The following ASAP1 variants were observed in gnomAD, a reference collection of about 807,000 sequenced individuals.
The protein encoded by ASAP1 is arf-GAP with SH3 domain, ANK repeat and PH domain-containing protein 1.
Under a neutral mutation model 145.2 loss-of-function variants are expected in ASAP1, and 43 were observed. The ratio of observed to expected loss-of-function variants is 0.30; its 90% CI spans 0.23 to 0.38. The LOEUF (loss-of-function observed/expected upper bound fraction) is 0.38, where lower values mean the gene tolerates loss of function less well. Among genes scored for constraint, ASAP1 ranks in the 10% least tolerant of loss-of-function variants. The pLI is 1.00. For missense variants in ASAP1, 1,018 were observed against 1,355.3 expected (o/e 0.75, Z 3.91); for synonymous variants, 546 against 515.5 (o/e 1.06, Z -0.80).
chr8:130,354,308 C>G (rs1321815920), intron 3 of ASAP1, among the ~76,000 whole-genome samples: 3 of 152,196 alleles, frequency 2.0e-5, no homozygotes, highest in Non-Finnish European at 4.4e-5. Context: ...AAATGTTCCT[C>G]TTTCAGAGAG....
rs764066803 is a variant in ASAP1 at position 130,294,026 on chromosome 8, A to T, written c.187-57032T>A. Among the ~76,000 whole-genome samples the T allele has an allele frequency of 3.9e-5, 6 of 152,204 alleles. No homozygotes were observed. In the South Asian group the frequency reaches 1.2e-3, roughly 32 times the overall value. On this transcript the variant is annotated intron_variant, in intron 3 of 29. Transcript: ENST00000518721. Reference sequence around the variant, plus strand: ...TATCACACTTCTCAATTCTCACAATAATCTTACGTAATAGGTATTATACCC... The same window carrying T: ...TATCACACTTCTCAATTCTCACAATTATCTTACGTAATAGGTATTATACCC...
chr8:130,172,850 G>A (rs557504390), intron 9 of ASAP1, among the ~76,000 whole-genome samples: 10 of 152,326 alleles, frequency 6.6e-5, no homozygotes, highest in South Asian at 6.2e-4. Context: ...CAAGGCTGAA[G>A]ACTCCAAACA....
In ASAP1 at chr8:130,118,572, T is replaced by C; in HGVS notation, c.1711A>G (p.Ile571Val). Residue 571 changes from isoleucine to valine, a missense_variant, in exon 19 of 30, where the codon ATC (isoleucine) becomes GTC (valine). Transcript: ENST00000518721. Reference protein sequence around the residue: ...SAKLNELLEAIKSRDLLALIQ... With the variant: ...SAKLNELLEAVKSRDLLALIQ... ...AGTGCAAGTAAATCCCTGGATTTGA[T>C]GGCCTCAAGCAATTCATTTAGTTTA... The C allele has an allele frequency of 1.9e-6, 3 of 1,614,196 alleles. No homozygotes were observed.
chr8:130,068,660 G>A (rs1179937304), intron 27 of ASAP1, among the ~76,000 whole-genome samples: 2 of 152,150 alleles, frequency 1.3e-5, no homozygotes, highest in East Asian at 1.9e-4. Context: ...CTATTCCTGC[G>A]GTAACTGGCA....
intron 24 of ASAP1, among the ~76,000 whole-genome samples, chr8:130,093,686 A>AAAAAAAAAAAAAAAAAC (rs767063471): frequency 7.6e-6 from 1 of 131,984 alleles, no homozygotes; most frequent in Non-Finnish European, 1.5e-5. Context: ...AAAAAAAAAA[A>AAAAAAAAAAAAAAAAAC]AAAGAAAGCT....
intron 1 of ASAP1, among the ~76,000 whole-genome samples, chr8:130,421,864 G>A (rs1300413337): frequency 6.6e-6 from 1 of 152,120 alleles, no homozygotes; most frequent in Non-Finnish European, 1.5e-5. Context: ...ATTACAGAAG[G>A]TTTCATTAAT....
chr8:130,153,332 AATATATATATAT>A (rs67554567), intron 12 of ASAP1, among the ~76,000 whole-genome samples: 3 of 87,512 alleles, frequency 3.4e-5, no homozygotes, highest in Non-Finnish European at 6.7e-5. Context: ...CTGCTTTTTA[AATATATATATAT>A]ATATATATAT....
chr8:130,359,950 G>A (rs1367611693), intron 2 of ASAP1, among the ~76,000 whole-genome samples: 3 of 152,208 alleles, frequency 2.0e-5, no homozygotes, highest in South Asian at 2.1e-4. Context: ...CCTCACATCC[G>A]TTCTCTGGTT....
At chr8:130,262,410 AAAAAAAAGAGAGAGAGAGAG>A (rs1819965032) in intron 3 of ASAP1, among the ~76,000 whole-genome samples, 1 of 109,402 alleles carries the variant, frequency 9.1e-6, no homozygotes, top group Non-Finnish European at 1.8e-5. Flanking sequence ...AAAAAAAAAA[AAAAAAAAGAGAGAGAGAGAG>A]AGAGAGAGAG....
chr8:130,130,545 AT>A (rs1381420581), intron 15 of ASAP1, among the ~76,000 whole-genome samples: 6 of 152,238 alleles, frequency 3.9e-5, no homozygotes, highest in Non-Finnish European at 8.8e-5. Context: ...CTTTTAAATT[AT>A]TTTCAAGTAA....
chr8:130,167,298 A>T (rs1304033306), intron 11 of ASAP1: 1 of 511,700 alleles, frequency 2.0e-6, no homozygotes, highest in African/African-American at 3.0e-5. Context: ...CCTGTCTCAA[A>T]AAAGTAAAGA....
intron 3 of ASAP1, among the ~76,000 whole-genome samples, chr8:130,291,054 C>T (rs1258017504): frequency 2.0e-5 from 3 of 152,166 alleles, no homozygotes; most frequent in Admixed American, 2.0e-4. Flanking sequence ...ATCCAGTTAT[C>T]TTGACTTTTC....
At chr8:130,231,026 G>A (rs1449206412) in intron 4 of ASAP1, among the ~76,000 whole-genome samples, 2 of 152,120 alleles carry the variant, frequency 1.3e-5, no homozygotes, top group African/African-American at 4.8e-5. Flanking sequence ...CTCAAATGAA[G>A]TTGTTTGGTT....
chr8:130,160,916 C>A, intron 11 of ASAP1: 1 of 666,736 alleles, frequency 1.5e-6, no homozygotes, highest in South Asian at 1.7e-5. Context: ...GAAAATATCA[C>A]TGTAAAGATA....
intron 3 of ASAP1, among the ~76,000 whole-genome samples, chr8:130,281,774 A>C (rs770648108): frequency 2.2e-4 from 34 of 152,326 alleles, no homozygotes; most frequent in Non-Finnish European, 4.7e-4. Context: ...TTGCCATTTA[A>C]AAGTAATGGA....
chr8:130,223,866 T>C (rs976732012), intron 4 of ASAP1, among the ~76,000 whole-genome samples: 3 of 152,120 alleles, frequency 2.0e-5, no homozygotes, highest in African/African-American at 7.2e-5. Flanking sequence ...TTGTTTATCA[T>C]CTTATCTTCA....
intron 1 of ASAP1, among the ~76,000 whole-genome samples, chr8:130,431,433 A>G (rs1002085340): frequency 2.0e-5 from 3 of 152,206 alleles, no homozygotes; most frequent in African/African-American, 7.2e-5. Flanking sequence ...GGTTCCAACC[A>G]TAACGAACCA....
intron 5 of ASAP1, among the ~76,000 whole-genome samples, chr8:130,209,071 A>G (rs1403220363): frequency 2.0e-5 from 3 of 152,196 alleles, no homozygotes; most frequent in African/African-American, 7.2e-5. Flanking sequence ...AGTCCCCTAT[A>G]GTGGCTATTA....
At chr8:130,154,011 T>C (rs760898889) in intron 12 of ASAP1, among the ~76,000 whole-genome samples, 2 of 152,106 alleles carry the variant, frequency 1.3e-5, no homozygotes, top group African/African-American at 4.8e-5. Flanking sequence ...CTGGACAACA[T>C]AGGGAAATCC....
Sources: allele counts gnomAD v4.1 joint callset (sites outside exome capture counted in the v4.1 genomes callset), GRCh38; gene constraint gnomAD v4.1.1; transcripts MANE v1.5; gene names NCBI Gene and HGNC (gene_info 2026-07-23, HGNC 2026-07-21).